The following GNAO1 variants were observed in gnomAD, a reference collection of about 807,000 sequenced individuals.
GNAO1 encodes the protein G protein subunit alpha o1.
For synonymous variants in GNAO1, 164 were observed against 180.7 expected, an observed-to-expected ratio of 0.91 and a Z score of 0.74; for missense variants, 166 against 478.7, an observed-to-expected ratio of 0.35 and a Z score of 6.10.
At chr16:56,289,420 C>T (rs2037208517) in intron 3 of GNAO1, among the ~76,000 whole-genome samples, 1 of 152,136 alleles carries the variant, frequency 6.6e-6, no homozygotes, top group African/African-American at 2.4e-5. Flanking sequence ...ATGGGGACAC[C>T]GGTGTGGACT....
At chr16:56,301,810 CTG>C (rs1567475399) in intron 3 of GNAO1, 1 of 152,118 alleles carries the variant, frequency 6.6e-6, no homozygotes. Flanking sequence ...ACTATTGTCA[CTG>C]AGTGTGCTGA....
chr16:56,249,307 GCTC>G (rs2036777784), intron 2 of GNAO1, among the ~76,000 whole-genome samples: 1 of 152,158 alleles, frequency 6.6e-6, no homozygotes, highest in Non-Finnish European at 1.5e-5. Flanking sequence ...GCTGCATATG[GCTC>G]CTCCGAAGTT....
At chr16:56,296,029 T>G (rs564227226) in intron 3 of GNAO1, among the ~76,000 whole-genome samples, 4 of 152,242 alleles carry the variant, frequency 2.6e-5, no homozygotes, top group Non-Finnish European at 5.9e-5. Context: ...TCCTTGGCCT[T>G]TGGCAGGACC....
chr16:56,315,680 G>A (rs1222912035), intron 3 of GNAO1, among the ~76,000 whole-genome samples: 2 of 152,126 alleles, frequency 1.3e-5, no homozygotes, highest in South Asian at 2.1e-4. Flanking sequence ...CTTTCCTGGT[G>A]GTCAGAAGCC....
At chr16:56,232,633 T>G (rs1358220562) in intron 2 of GNAO1, among the ~76,000 whole-genome samples, 1 of 152,238 alleles carries the variant, frequency 6.6e-6, no homozygotes, top group Non-Finnish European at 1.5e-5. Flanking sequence ...CTCACAGAGC[T>G]GGTCTTCCTC....
chr16:56,324,193 C>T (rs1310360158), intron 3 of GNAO1, among the ~76,000 whole-genome samples: 1 of 152,228 alleles, frequency 6.6e-6, no homozygotes, highest in African/African-American at 2.4e-5. Flanking sequence ...TTCCAGGCCA[C>T]ACATGGAAGC....
chr16:56,287,959 C>T (rs1567470219), intron 3 of GNAO1, among the ~76,000 whole-genome samples: 1 of 152,182 alleles, frequency 6.6e-6, no homozygotes, highest in African/African-American at 2.4e-5. Flanking sequence ...CACCAGTGTC[C>T]AGTGTCGATG....
intron 2 of GNAO1, among the ~76,000 whole-genome samples, chr16:56,211,674 G>T (rs1354547126): frequency 6.6e-6 from 1 of 152,204 alleles, no homozygotes; most frequent in South Asian, 2.1e-4. Flanking sequence ...TCTTGTTTCA[G>T]TCGCGACTTG....
At chr16:56,300,583 G>C (rs1157669216) in intron 3 of GNAO1, 1 of 152,226 alleles carries the variant, frequency 6.6e-6, no homozygotes, top group East Asian at 1.9e-4. Flanking sequence ...GAGTGACAGA[G>C]TCCAGACTGA....
At chr16:56,238,698 T>A (rs192198172) in intron 2 of GNAO1, among the ~76,000 whole-genome samples, 2 of 152,390 alleles carry the variant, frequency 1.3e-5, no homozygotes, top group East Asian at 3.9e-4. Context: ...GCATAGCATG[T>A]GCTTCCCACA....
At chr16:56,305,518 C>A (rs1019833384) in intron 3 of GNAO1, among the ~76,000 whole-genome samples, 3 of 152,014 alleles carry the variant, frequency 2.0e-5, no homozygotes, top group Admixed American at 2.0e-4. Flanking sequence ...AGTGCAGAGG[C>A]CCCTAGTGGA....
intron 2 of GNAO1, among the ~76,000 whole-genome samples, chr16:56,244,700 TC>T (rs1336250575): frequency 1.3e-5 from 2 of 152,124 alleles, no homozygotes; most frequent in Non-Finnish European, 2.9e-5. Context: ...AGCTATTTTT[TC>T]CACCACACCC....
chr16:56,191,965 C>A lies in GNAO1; in HGVS notation c.-271C>A. 1.9e-6 allele frequency: 1 copy of A among 519,526 alleles called. No homozygotes were observed. Among genetic ancestry groups the A allele is most frequent in the Non-Finnish European group, 3.4e-6 (1 of 293,822 alleles). 32.2% of individuals were successfully genotyped at this position (519,526 alleles called of 1,614,324 possible). A position where few individuals can be genotyped will look rare whatever the true frequency, so the allele number is the denominator to read the frequency against. On this transcript the variant is annotated 5_prime_UTR_variant, in exon 1 of 9. Transcript: ENST00000262493. This position sits in a 1 kb window ranked among gnomAD's most constrained non-coding sequence, Gnocchi z 4.7. ...TCCTCGGCCCGCGGGCGCCTCCTCCCTTGGCTCCGGAGCCCCAGACCCCGG... is the reference window on the plus strand; with the variant it reads ...TCCTCGGCCCGCGGGCGCCTCCTCCATTGGCTCCGGAGCCCCAGACCCCGG...
At chr16:56,336,563 C>T in intron 5 of GNAO1, 168 bp from the exon 6 acceptor site, 1 of 597,380 alleles carries the variant, frequency 1.7e-6, no homozygotes, top group Non-Finnish European at 2.9e-6. Flanking sequence ...GGCAGTGATC[C>T]AGCTGTCTGT....
At position 56,199,756 on chromosome 16, in the gene GNAO1, C is replaced by T. The variant is rs193276843; in HGVS notation, c.161+7140C>T. 1.5e-4 allele frequency among the ~76,000 whole-genome samples: 23 copies of T among 152,214 alleles called. No homozygotes were observed. The East Asian group carries it at 2.9e-3, about 19-fold the overall frequency. ...AAGAGAAACTTAGAAGCCTGAAAGGCGGTGGGGAATAGTGGGAGTATTTAC... is the reference window on the plus strand; with the variant it reads ...AAGAGAAACTTAGAAGCCTGAAAGGTGGTGGGGAATAGTGGGAGTATTTAC... On this transcript the variant is annotated intron_variant, in intron 2 of 8. Coordinates refer to ENST00000262493, the MANE Select transcript of GNAO1 (RefSeq NM_020988.3).
chr16:56,275,818 C>T (rs1428765168), intron 2 of GNAO1, 113 bp from the exon 3 acceptor site: 2 of 764,988 alleles, frequency 2.6e-6, no homozygotes, highest in East Asian at 3.0e-5. Flanking sequence ...CTCAGTAACT[C>T]AGCATCTCGG....
At chr16:56,331,227 T>C (rs1466269637) in intron 4 of GNAO1, among the ~76,000 whole-genome samples, 4 of 152,150 alleles carry the variant, frequency 2.6e-5, no homozygotes, top group African/African-American at 7.2e-5. Flanking sequence ...AGGCTCTTGG[T>C]GCACCCCGGC....
rs570647289 is a variant in GNAO1 at position 56,326,439 on chromosome 16, G to A, written c.304-2192G>A. Reference sequence around the variant, plus strand: ...CTCAAGACAGCTTCTAGAGGTTTAGGTTCCTTTAGAAGCTTATCTGAGAAA... The same window carrying A: ...CTCAAGACAGCTTCTAGAGGTTTAGATTCCTTTAGAAGCTTATCTGAGAAA... On this transcript the variant is annotated intron_variant, in intron 3 of 8. Coordinates refer to ENST00000262493, the MANE Select transcript of GNAO1 (RefSeq NM_020988.3). The surrounding 1 kb of genome is among the most constrained non-coding windows in gnomAD (Gnocchi z 4.8). Among the ~76,000 whole-genome samples the A allele has an allele frequency of 1.3e-5, 2 of 152,342 alleles. No individual in the cohort carries two copies. Among genetic ancestry groups the A allele is most frequent in the African/African-American group, 2.4e-5 (1 of 41,586 alleles).
chr16:56,212,761 G>C (rs2036401886), intron 2 of GNAO1, among the ~76,000 whole-genome samples: 1 of 152,168 alleles, frequency 6.6e-6, no homozygotes, highest in Non-Finnish European at 1.5e-5. Flanking sequence ...CTATGTGGGT[G>C]CTCAGAGTTC....
Sources: gnomAD v4.1 joint callset for allele counts (sites outside exome capture counted in the v4.1 genomes callset) on GRCh38, gnomAD v4.1.1 for gene constraint, Gnocchi (gnomAD v3.1) non-coding constraint, MANE v1.5 for transcripts, NCBI Gene and HGNC (gene_info 2026-07-23, HGNC 2026-07-21) for gene names.